Variants in RNLS observed in about 807,000 individuals in gnomAD.
RNLS encodes renalase, FAD dependent amine oxidase.
A neutral mutation model predicts 39.8 loss-of-function variants in RNLS; 39 were observed. That is an observed-to-expected ratio of 0.98 (90% CI 0.76 to 1.28). The LOEUF (loss-of-function observed/expected upper bound fraction) is 1.28. Ranked by LOEUF, RNLS falls within the 50% of genes most tolerant of loss-of-function variation. The pLI is 0.00. For missense variants in RNLS, 410 were observed against 413.3 expected (o/e 0.99, Z 0.07); for synonymous variants, 147 against 150.7 (o/e 0.98, Z 0.18).
intron 6 of RNLS, among the ~76,000 whole-genome samples, chr10:88,294,511 G>A (rs11202702): frequency 0.4 from 60,155 of 151,800 alleles, 12,314 homozygotes; most frequent in South Asian, 0.5. Flanking sequence ...TAATGTTCCT[G>A]CTTCTACTAG....
intron 4 of RNLS, among the ~76,000 whole-genome samples, chr10:88,555,252 C>T (rs184539056): frequency 5.9e-5 from 9 of 152,158 alleles, no homozygotes; most frequent in Non-Finnish European, 1.0e-4. Flanking sequence ...TCCAATCTGG[C>T]TTTCATTCCC....
At chr10:88,573,172 G>C (rs767149059) in intron 3 of RNLS, 111 bp from the exon 4 acceptor site, 1 of 895,414 alleles carries the variant, frequency 1.1e-6, no homozygotes, top group African/African-American at 1.7e-5. Context: ...GGCCAAGACT[G>C]TCTTCTACTG....
chr10:88,243,731 G>A, the RNLS span, among the ~76,000 whole-genome samples: 2 of 152,206 alleles, frequency 1.3e-5, no homozygotes, highest in Admixed American at 6.5e-5. Context: ...TCCCTGCAAG[G>A]CCAGCAGCTC....
chr10:88,233,456 C>A, the RNLS span, among the ~76,000 whole-genome samples: 1 of 152,168 alleles, frequency 6.6e-6, no homozygotes, highest in South Asian at 2.1e-4. Flanking sequence ...TTAAAAGGAG[C>A]TTTTGTTGGT....
intron 5 of RNLS, among the ~76,000 whole-genome samples, chr10:88,347,352 G>A (rs1848378109): frequency 6.6e-6 from 1 of 152,046 alleles, no homozygotes; most frequent in Non-Finnish European, 1.5e-5. Context: ...CTTTTTCCAG[G>A]TTCCCTCTCT....
chr10:88,327,070 T>G (rs1289122135), intron 5 of RNLS, among the ~76,000 whole-genome samples: 1 of 152,204 alleles, frequency 6.6e-6, no homozygotes, highest in Non-Finnish European at 1.5e-5. Context: ...AGGAAGTAAC[T>G]AACCTGCTTT....
chr10:88,234,915 A>T, the RNLS span, among the ~76,000 whole-genome samples: 5 of 152,054 alleles, frequency 3.3e-5, no homozygotes, highest in Non-Finnish European at 7.4e-5. Flanking sequence ...TAGGGTGGGT[A>T]TGGAGGGGTG....
chr10:88,331,294 C>T (rs537575081), intron 5 of RNLS, among the ~76,000 whole-genome samples: 3 of 152,200 alleles, frequency 2.0e-5, no homozygotes, highest in South Asian at 2.1e-4. Flanking sequence ...TCAGAGGTTG[C>T]GTTCCCAAAG....
downstream of RNLS, among the ~76,000 whole-genome samples, chr10:88,269,788 T>C (rs981436345): frequency 6.6e-6 from 1 of 152,226 alleles, no homozygotes; most frequent in African/African-American, 2.4e-5. Flanking sequence ...TACACAACAA[T>C]AGAAGGTTTT....
chr10:88,314,755 G>A, intron 5 of RNLS, 114 bp from the exon 6 acceptor site: 2 of 837,972 alleles, frequency 2.4e-6, no homozygotes, highest in African/African-American at 1.8e-5. Context: ...AATAAATGGA[G>A]GAAAAACTTA....
chr10:88,518,415 A>C (rs1846526015), intron 4 of RNLS, among the ~76,000 whole-genome samples: 1 of 151,984 alleles, frequency 6.6e-6, no homozygotes, highest in Non-Finnish European at 1.5e-5. Flanking sequence ...AGGATTGCTA[A>C]AGAAGAAGGC....
intron 4 of RNLS, among the ~76,000 whole-genome samples, chr10:88,512,454 T>C (rs899955587): frequency 2.6e-5 from 4 of 152,038 alleles, no homozygotes; most frequent in Non-Finnish European, 5.9e-5. Context: ...ACTTCACAGA[T>C]ACTCACCAAA....
chr10:88,494,535 T>C (rs911760362), intron 4 of RNLS, among the ~76,000 whole-genome samples: 18 of 152,186 alleles, frequency 1.2e-4, no homozygotes, highest in Non-Finnish European at 2.5e-4. Flanking sequence ...AAAATATTCA[T>C]TGCATTGTTT....
intron 4 of RNLS, among the ~76,000 whole-genome samples, chr10:88,448,571 C>T (rs1372600981): frequency 6.6e-6 from 1 of 152,184 alleles, no homozygotes; most frequent in African/African-American, 2.4e-5. Context: ...ACTAGTTCAA[C>T]CATTGTGGAA....
intron 4 of RNLS, among the ~76,000 whole-genome samples, chr10:88,510,113 A>C (rs1302801927): frequency 6.6e-6 from 1 of 152,124 alleles, no homozygotes; most frequent in Non-Finnish European, 1.5e-5. Context: ...ACCATTTCAC[A>C]CTTCATGGAA....
At chr10:88,181,479 C>A in the RNLS span, among the ~76,000 whole-genome samples, 2 of 152,210 alleles carry the variant, frequency 1.3e-5, no homozygotes, top group East Asian at 3.9e-4. Flanking sequence ...GGCAACTAAG[C>A]CTGTGGTAAT....
At chr10:88,486,969 A>G (rs1429469566) in intron 4 of RNLS, among the ~76,000 whole-genome samples, 1 of 152,214 alleles carries the variant, frequency 6.6e-6, no homozygotes, top group African/African-American at 2.4e-5. Flanking sequence ...ATGCTCATCA[A>G]TGACAGATTG....
intron 4 of RNLS, among the ~76,000 whole-genome samples, chr10:88,567,951 G>C (rs1470076802): frequency 1.3e-5 from 2 of 152,136 alleles, no homozygotes; most frequent in African/African-American, 4.8e-5. Flanking sequence ...AAAAGCTACA[G>C]GCATATCAAT....
At chr10:88,519,735 C>CATATATATGATATATATCAT (rs2134190359) in intron 4 of RNLS, among the ~76,000 whole-genome samples, 1 of 145,564 alleles carries the variant, frequency 6.9e-6, no homozygotes, top group Non-Finnish European at 1.5e-5. Flanking sequence ...ATATATATCA[C>CATATATATGATATATATCAT]ATATATATGA....
Sources: gnomAD v4.1 joint callset for allele counts (sites outside exome capture counted in the v4.1 genomes callset) on GRCh38, gnomAD v4.1.1 for gene constraint, MANE v1.5 for transcripts, NCBI Gene and HGNC (gene_info 2026-07-23, HGNC 2026-07-21) for gene names.